The following NTM variants were observed in gnomAD, a reference collection of about 807,000 sequenced individuals.
NTM encodes IgLON family member 2.
In NTM, 13 loss-of-function variants were observed where a neutral mutation model predicts 42.1. The observed-to-expected ratio is 0.31, with a 90% CI of 0.20 to 0.49. The LOEUF (loss-of-function observed/expected upper bound fraction) is 0.49. Ranked by LOEUF, NTM falls within the 20% of genes least tolerant of loss-of-function variation. The probability of loss-of-function intolerance (pLI) is 0.99; values close to 1 mark genes in which losing one functional copy is unlikely to be tolerated. For synonymous variants in NTM, 187 were observed against 179.2 expected (o/e 1.04, Z -0.35); for missense variants, 373 against 452.8 (o/e 0.82, Z 1.60).
At chr11:132,099,709 C>T (rs2061414088) in intron 2 of NTM, among the ~76,000 whole-genome samples, 1 of 152,164 alleles carries the variant, frequency 6.6e-6, no homozygotes, top group African/African-American at 2.4e-5. Flanking sequence ...AGAAACAGGT[C>T]TTCTTGGGAC....
chr11:131,461,305 G>T (rs570482557), intron 1 of NTM, among the ~76,000 whole-genome samples: 8 of 152,302 alleles, frequency 5.3e-5, no homozygotes, highest in Admixed American at 1.3e-4. Context: ...GGGTGCCATA[G>T]AGATACAGAA....
chr11:132,064,119 G>A (rs933392348), intron 2 of NTM, among the ~76,000 whole-genome samples: 7 of 152,150 alleles, frequency 4.6e-5, no homozygotes, highest in Non-Finnish European at 1.0e-4. Context: ...GGAGATGAGA[G>A]AGAAAGAAAG....
At chr11:132,191,231 C>T (rs533637645) in intron 3 of NTM, among the ~76,000 whole-genome samples, 1 of 152,182 alleles carries the variant, frequency 6.6e-6, no homozygotes. Context: ...CACCCAACCC[C>T]ACCACCATGC....
chr11:132,072,472 C>G (rs1215404440), intron 2 of NTM, among the ~76,000 whole-genome samples: 3 of 152,104 alleles, frequency 2.0e-5, no homozygotes, highest in Non-Finnish European at 4.4e-5. Context: ...ATTAACTAAC[C>G]ATGTTTTGGG....
chr11:131,573,289 TC>T (rs1565653913), intron 1 of NTM, among the ~76,000 whole-genome samples: 6 of 152,160 alleles, frequency 3.9e-5, no homozygotes, highest in African/African-American at 1.4e-4. Flanking sequence ...TGTCATTGTG[TC>T]CCTAAGCCAC....
At chr11:132,194,770 T>A (rs1484158043) in intron 3 of NTM, among the ~76,000 whole-genome samples, 1 of 151,930 alleles carries the variant, frequency 6.6e-6, no homozygotes, top group African/African-American at 2.4e-5. Context: ...ACAGTAGAGT[T>A]TCAGGATACA....
chr11:131,684,484 GC>G (rs1454867537), intron 1 of NTM, among the ~76,000 whole-genome samples: 12 of 152,338 alleles, frequency 7.9e-5, no homozygotes, highest in Middle Eastern at 3.4e-3. Context: ...GCCCTCCCCA[GC>G]CTGCAGCTTC....
At chr11:131,768,418 G>A (rs2085496451) in intron 1 of NTM, among the ~76,000 whole-genome samples, 1 of 152,144 alleles carries the variant, frequency 6.6e-6, no homozygotes, top group African/African-American at 2.4e-5. Flanking sequence ...GTGCTTGGCT[G>A]TGAAAATGTA....
At chr11:131,754,850 A>C (rs747038708) in intron 1 of NTM, among the ~76,000 whole-genome samples, 14 of 152,238 alleles carry the variant, frequency 9.2e-5, no homozygotes, top group Non-Finnish European at 1.9e-4. Flanking sequence ...ATGACTCAGC[A>C]GTAAAAAGGA....
intron 1 of NTM, among the ~76,000 whole-genome samples, chr11:131,457,487 T>A (rs1413520253): frequency 6.6e-6 from 1 of 152,094 alleles, no homozygotes; most frequent in Non-Finnish European, 1.5e-5. Flanking sequence ...TATCTTCCTC[T>A]GAGGAAGATG....
At chr11:131,983,129 T>C (rs1414636457) in intron 2 of NTM, among the ~76,000 whole-genome samples, 1 of 151,900 alleles carries the variant, frequency 6.6e-6, no homozygotes, top group African/African-American at 2.4e-5. Flanking sequence ...ATCTGCCTAA[T>C]ATCTGAAAGT....
intron 1 of NTM, among the ~76,000 whole-genome samples, chr11:131,858,355 A>G (rs768748259): frequency 5.9e-5 from 9 of 151,320 alleles, no homozygotes; most frequent in Non-Finnish European, 1.3e-4. Context: ...ATTATTAGAC[A>G]CATTGCTTTG....
chr11:132,087,319 A>G (rs931363907), intron 2 of NTM, among the ~76,000 whole-genome samples: 1 of 152,112 alleles, frequency 6.6e-6, no homozygotes, highest in Non-Finnish European at 1.5e-5. Flanking sequence ...CATTTATGCC[A>G]TGGATACTAG....
At chr11:131,557,421 C>A (rs2055593843) in intron 1 of NTM, among the ~76,000 whole-genome samples, 1 of 152,146 alleles carries the variant, frequency 6.6e-6, no homozygotes, top group Admixed American at 6.5e-5. Flanking sequence ...GGACAAGAGT[C>A]CATTTTTAAA....
chr11:131,962,919 G>A (rs540869877), intron 2 of NTM, among the ~76,000 whole-genome samples: 48 of 152,194 alleles, frequency 3.2e-4, no homozygotes, highest in South Asian at 1.5e-3. Flanking sequence ...TTAATAGGTC[G>A]GATAGTGAAG....
intron 1 of NTM, among the ~76,000 whole-genome samples, chr11:131,547,315 T>G (rs1157505161): frequency 1.3e-5 from 2 of 152,038 alleles, no homozygotes; most frequent in Non-Finnish European, 2.9e-5. Context: ...AAAGTAACAT[T>G]TAACAAAAAG....
At chr11:132,011,385 C>A (rs548467858) in intron 2 of NTM, among the ~76,000 whole-genome samples, 194 of 152,286 alleles carry the variant, frequency 1.3e-3, no homozygotes, top group Admixed American at 2.2e-3. Context: ...GTTCATGCAT[C>A]TCTGTTAAGA....
At chr11:131,769,108 C>T (rs1369535963) in intron 1 of NTM, among the ~76,000 whole-genome samples, 1 of 152,102 alleles carries the variant, frequency 6.6e-6, no homozygotes, top group African/African-American at 2.4e-5. Flanking sequence ...CAGGCAGTTC[C>T]CTCCCAGGGC....
intron 1 of NTM, among the ~76,000 whole-genome samples, chr11:131,574,019 G>C (rs1162162151): frequency 6.6e-6 from 1 of 152,090 alleles, no homozygotes; most frequent in African/African-American, 2.4e-5. Context: ...AAAGCAAATT[G>C]CTCTATTCCC....
Sources: gnomAD v4.1 joint callset for allele counts (sites outside exome capture counted in the v4.1 genomes callset) on GRCh38, gnomAD v4.1.1 for gene constraint, MANE v1.5 for transcripts, NCBI Gene and HGNC (gene_info 2026-07-23, HGNC 2026-07-21) for gene names.